The following ASTN1 variants were observed in gnomAD, a reference collection of about 807,000 sequenced individuals.
ASTN1 encodes the protein astrotactin-1.
In ASTN1, 41 loss-of-function variants were observed where a neutral mutation model predicts 140.7. The ratio of observed to expected loss-of-function variants is 0.29; its 90% CI spans 0.23 to 0.38. The LOEUF (loss-of-function observed/expected upper bound fraction) is 0.38. Ranked by LOEUF, ASTN1 falls within the 10% of genes least tolerant of loss-of-function variation. The pLI, the probability that ASTN1 is intolerant of heterozygous loss-of-function variation, is 1.00. For synonymous variants in ASTN1, 640 were observed against 652.2 expected (o/e 0.98, Z 0.29); for missense variants, 1,479 against 1,678.8 (o/e 0.88, Z 2.08).
At chr1:177,158,700 T>C (rs548773007) in intron 1 of ASTN1, among the ~76,000 whole-genome samples, 17 of 151,168 alleles carry the variant, frequency 1.1e-4, no homozygotes, top group Middle Eastern at 3.4e-3. Context: ...GTGTATGATA[T>C]ATATGTGTAT....
chr1:177,085,361 T>C (rs767967243), intron 1 of ASTN1, among the ~76,000 whole-genome samples: 1 of 152,200 alleles, frequency 6.6e-6, no homozygotes, highest in African/African-American at 2.4e-5. Context: ...AATAGCCCCA[T>C]GGTTTCTAGA....
At chr1:176,954,499 T>G (rs1420737666) in intron 11 of ASTN1, among the ~76,000 whole-genome samples, 1 of 152,198 alleles carries the variant, frequency 6.6e-6, no homozygotes, top group Non-Finnish European at 1.5e-5. Context: ...GTGGGAACCA[T>G]GTTGAATTCT....
intron 2 of ASTN1, among the ~76,000 whole-genome samples, chr1:177,038,145 T>G (rs1279020427): frequency 6.6e-6 from 1 of 152,202 alleles, no homozygotes; most frequent in East Asian, 1.9e-4. Flanking sequence ...TGTATATTCA[T>G]CCTGGGTCCT....
chr1:177,026,390 A>G lies in ASTN1; in HGVS notation c.1121-1658T>C, dbSNP rs1168975053. ...TCCAACTACTTCCATTGCCCAGCCA[A>G]TGGCACTGCCACACATTTGGTTGCT... On this transcript the variant is annotated intron_variant, in intron 5 of 22. Transcript: ENST00000361833. Among the ~76,000 whole-genome samples, 4 of 152,076 alleles carry G rather than the reference A, an allele frequency of 2.6e-5. No homozygotes were observed. In the South Asian group the frequency reaches 8.3e-4, roughly 32 times the overall value.
intron 2 of ASTN1, among the ~76,000 whole-genome samples, chr1:177,045,492 G>C (rs1264805084): frequency 6.6e-6 from 1 of 152,170 alleles, no homozygotes. Context: ...CTGGCTCCTA[G>C]ATAGCTCTGA....
intron 16 of ASTN1, among the ~76,000 whole-genome samples, chr1:176,933,950 A>T (rs1052228631): frequency 2.0e-5 from 3 of 152,230 alleles, no homozygotes; most frequent in Non-Finnish European, 4.4e-5. Context: ...CCCATTCTGC[A>T]TCTAAAATTC....
chr1:176,969,052 C>T (rs1673016701), intron 8 of ASTN1, among the ~76,000 whole-genome samples: 1 of 152,058 alleles, frequency 6.6e-6, no homozygotes, highest in Non-Finnish European at 1.5e-5. Context: ...GACGTAAAAG[C>T]ACTCATAACG....
intron 21 of ASTN1, 50 bp downstream of exon 21, chr1:176,876,487 G>T (rs1417168709): frequency 1.3e-6 from 2 of 1,584,802 alleles, no homozygotes; most frequent in African/African-American, 2.7e-5. Flanking sequence ...GCAAGTGGTG[G>T]GTACCTGGGG....
At chr1:177,107,848 G>A (rs975437508) in intron 1 of ASTN1, among the ~76,000 whole-genome samples, 7 of 152,182 alleles carry the variant, frequency 4.6e-5, no homozygotes, top group East Asian at 1.9e-4. Context: ...GGACCCTGAC[G>A]GATGAATGTA....
At chr1:177,079,768 C>T (rs1448658531) in intron 1 of ASTN1, among the ~76,000 whole-genome samples, 1 of 152,082 alleles carries the variant, frequency 6.6e-6, no homozygotes, top group East Asian at 1.9e-4. Flanking sequence ...ACTCCACACC[C>T]CCACTGAAAA....
intron 1 of ASTN1, among the ~76,000 whole-genome samples, chr1:177,108,941 C>T (rs1257681495): frequency 6.6e-6 from 1 of 151,972 alleles, no homozygotes; most frequent in African/African-American, 2.4e-5. Flanking sequence ...CCTTGGGATG[C>T]ATCCTGAAGA....
At chr1:176,967,200 A>G (rs1169823508) in intron 8 of ASTN1, among the ~76,000 whole-genome samples, 1 of 152,172 alleles carries the variant, frequency 6.6e-6, no homozygotes, top group Admixed American at 6.5e-5. Context: ...GTATCCAAAC[A>G]ATGTACTGTG....
intron 1 of ASTN1, among the ~76,000 whole-genome samples, chr1:177,104,466 T>C (rs1373422229): frequency 6.6e-6 from 1 of 152,198 alleles, no homozygotes; most frequent in Non-Finnish European, 1.5e-5. Flanking sequence ...AACAAAGTCA[T>C]GTTTTATTGG....
chr1:177,093,394 C>A (rs1358381054), intron 1 of ASTN1, among the ~76,000 whole-genome samples: 1 of 152,160 alleles, frequency 6.6e-6, no homozygotes. Context: ...CCATTTCTGG[C>A]ACAGGCAGGA....
intron 11 of ASTN1, among the ~76,000 whole-genome samples, chr1:176,956,443 G>C (rs1225148160): frequency 2.6e-5 from 4 of 152,250 alleles, no homozygotes; most frequent in Non-Finnish European, 5.9e-5. Flanking sequence ...ATGGGGAAGA[G>C]GGGAGAGGAA....
At chr1:177,030,704 C>T in intron 4 of ASTN1, 102 bp downstream of exon 4, 1 of 1,493,786 alleles carries the variant, frequency 6.7e-7, no homozygotes, top group South Asian at 1.3e-5. Context: ...AGGGCATACC[C>T]TCTCCAGCCA....
intron 1 of ASTN1, among the ~76,000 whole-genome samples, chr1:177,133,887 A>C (rs1682052224): frequency 6.6e-6 from 1 of 152,242 alleles, no homozygotes. Flanking sequence ...ACATACATTA[A>C]TTCATTCAGA....
chr1:177,111,093 T>C (rs113999574), intron 1 of ASTN1, among the ~76,000 whole-genome samples: 1 of 152,312 alleles, frequency 6.6e-6, no homozygotes, highest in Non-Finnish European at 1.5e-5. Context: ...CAAAAGTCCT[T>C]TAACAAGAAG....
chr1:177,002,845 T>G (rs1674800478), intron 8 of ASTN1, among the ~76,000 whole-genome samples: 1 of 152,076 alleles, frequency 6.6e-6, no homozygotes, highest in Non-Finnish European at 1.5e-5. Context: ...CAGTTCGACC[T>G]CTATTCACAC....
Sources: allele counts gnomAD v4.1 joint callset (sites outside exome capture counted in the v4.1 genomes callset), GRCh38; gene constraint gnomAD v4.1.1; transcripts MANE v1.5; gene names NCBI Gene and HGNC (gene_info 2026-07-23, HGNC 2026-07-21).